EXOC4: variants seen among roughly 807,000 people sequenced by gnomAD.
EXOC4 encodes exocyst complex component 4.
A neutral mutation model predicts 107.2 loss-of-function variants in EXOC4; 71 were observed. That is an observed-to-expected ratio of 0.66 (90% CI 0.55 to 0.81). The LOEUF (loss-of-function observed/expected upper bound fraction) is 0.81. EXOC4 is among the 30% of genes least tolerant of loss of function. The pLI is 0.00. For synonymous variants in EXOC4, 456 were observed against 441.2 expected, an observed-to-expected ratio of 1.03 and a Z score of -0.42; for missense variants, 1,108 against 1,189.6, an observed-to-expected ratio of 0.93 and a Z score of 1.01.
At chr7:133,417,391 G>T (rs1439770022) in intron 7 of EXOC4, among the ~76,000 whole-genome samples, 1 of 152,148 alleles carries the variant, frequency 6.6e-6, no homozygotes, top group Non-Finnish European at 1.5e-5. Flanking sequence ...GAAGATGGAA[G>T]GTCTGACTGC....
chr7:133,577,970 T>C (rs1412012110), intron 9 of EXOC4, among the ~76,000 whole-genome samples: 1 of 152,196 alleles, frequency 6.6e-6, no homozygotes, highest in Non-Finnish European at 1.5e-5. Context: ...GTGTTCATTA[T>C]CACAGACAAA....
intron 10 of EXOC4, among the ~76,000 whole-genome samples, chr7:133,794,949 C>G (rs1395670033): frequency 6.6e-6 from 1 of 151,952 alleles, no homozygotes; most frequent in Non-Finnish European, 1.5e-5. Flanking sequence ...CCCTTCCCCC[C>G]ACCCCACAAC....
intron 11 of EXOC4, among the ~76,000 whole-genome samples, chr7:133,852,708 TA>T (rs935675473): frequency 6.6e-6 from 1 of 152,182 alleles, no homozygotes. Context: ...CCCCCGCTTT[TA>T]AAAAAATAAG....
At chr7:133,501,073 G>A (rs1410485651) in intron 9 of EXOC4, among the ~76,000 whole-genome samples, 1 of 152,090 alleles carries the variant, frequency 6.6e-6, no homozygotes, top group East Asian at 1.9e-4. Context: ...ATGTTCGTGT[G>A]TGTATGGCAT....
At chr7:133,309,107 C>A (rs376417514) in intron 4 of EXOC4, among the ~76,000 whole-genome samples, 2 of 152,166 alleles carry the variant, frequency 1.3e-5, no homozygotes, top group African/African-American at 4.8e-5. Flanking sequence ...ACAAGGTGAC[C>A]TTGAGGATAG....
At chr7:133,730,336 G>A (rs1018608025) in intron 10 of EXOC4, among the ~76,000 whole-genome samples, 1 of 151,660 alleles carries the variant, frequency 6.6e-6, no homozygotes, top group Non-Finnish European at 1.5e-5. Flanking sequence ...TTATAGGGGA[G>A]ATCTTAGAGG....
chr7:133,439,633 C>G (rs1454777978), intron 7 of EXOC4, among the ~76,000 whole-genome samples: 1 of 152,238 alleles, frequency 6.6e-6, no homozygotes, highest in East Asian at 1.9e-4. Flanking sequence ...GATAATGATA[C>G]CACACAAAGC....
At chr7:134,086,709 G>A in the EXOC4 span, among the ~76,000 whole-genome samples, 1 of 152,066 alleles carries the variant, frequency 6.6e-6, no homozygotes, top group African/African-American at 2.4e-5. Flanking sequence ...AAAAAATTCA[G>A]GGTGAGTCCA....
At chr7:133,776,879 A>G (rs1796355735) in intron 10 of EXOC4, among the ~76,000 whole-genome samples, 1 of 152,114 alleles carries the variant, frequency 6.6e-6, no homozygotes, top group African/African-American at 2.4e-5. Context: ...TAATTGCTTG[A>G]TATCTAAGAA....
intron 11 of EXOC4, among the ~76,000 whole-genome samples, chr7:133,825,862 C>T (rs1367733699): frequency 6.6e-6 from 1 of 152,084 alleles, no homozygotes; most frequent in East Asian, 1.9e-4. Context: ...CCCCTGTAAG[C>T]TCTGAGAGAT....
chr7:133,624,374 A>G (rs564956951), intron 9 of EXOC4, among the ~76,000 whole-genome samples: 1 of 152,240 alleles, frequency 6.6e-6, no homozygotes, highest in East Asian at 1.9e-4. Context: ...TGCTTGATTT[A>G]GGAGTTCAAG....
chr7:133,386,964 T>G (rs1796741485), intron 7 of EXOC4, among the ~76,000 whole-genome samples: 1 of 152,204 alleles, frequency 6.6e-6, no homozygotes, highest in South Asian at 2.1e-4. Flanking sequence ...TTTAAATGTA[T>G]GTATAATCTG....
rs192287907 is a variant in EXOC4 at position 133,276,691 on chromosome 7, G to T, written c.276+1520G>T. Among the ~76,000 whole-genome samples the T allele has an allele frequency of 5.9e-5, 9 of 152,256 alleles. No homozygotes were observed. The East Asian group carries it at 1.7e-3, about 29-fold the overall frequency. ...GGGACTGAGTGATGCATAGACTATG[G>T]TTTAAAATTCACTGCCCTGTGCTAT... is the stretch of plus-strand genomic sequence containing the variant. On this transcript the variant is annotated intron_variant, in intron 2 of 17. Coordinates refer to ENST00000253861, the MANE Select transcript of EXOC4 (RefSeq NM_021807.4).
chr7:133,910,951 G>A (rs751433446), intron 12 of EXOC4, among the ~76,000 whole-genome samples: 6 of 152,106 alleles, frequency 3.9e-5, no homozygotes, highest in African/African-American at 7.2e-5. Flanking sequence ...ATGCACACTC[G>A]CACTTCCCAA....
chr7:133,671,385 G>A (rs1219418790), intron 10 of EXOC4, among the ~76,000 whole-genome samples: 4 of 152,040 alleles, frequency 2.6e-5, no homozygotes, highest in African/African-American at 9.7e-5. Flanking sequence ...CCAACATGGC[G>A]AAACCCCATC....
intron 10 of EXOC4, among the ~76,000 whole-genome samples, chr7:133,796,741 A>G (rs1442467912): frequency 6.6e-6 from 1 of 152,172 alleles, no homozygotes; most frequent in East Asian, 1.9e-4. Flanking sequence ...CTAGTGACAG[A>G]GCAAGACTCC....
intron 10 of EXOC4, among the ~76,000 whole-genome samples, chr7:133,728,880 C>G (rs752590704): frequency 2.0e-5 from 3 of 152,156 alleles, no homozygotes; most frequent in Non-Finnish European, 2.9e-5. Context: ...TTGAGGAAAC[C>G]CATTCCATCT....
At chr7:133,474,191 G>A (rs1380002960) in intron 7 of EXOC4, among the ~76,000 whole-genome samples, 4 of 152,088 alleles carry the variant, frequency 2.6e-5, no homozygotes, top group African/African-American at 9.7e-5. Flanking sequence ...CTCTCTGGTA[G>A]CATGTTTTAA....
intron 9 of EXOC4, among the ~76,000 whole-genome samples, chr7:133,498,145 G>C (rs951231289): frequency 9.2e-5 from 14 of 151,928 alleles, no homozygotes; most frequent in Non-Finnish European, 2.1e-4. Context: ...CTTTTCTTTC[G>C]GTGCACCTGA....
Sources: gnomAD v4.1 joint callset for allele counts (sites outside exome capture counted in the v4.1 genomes callset) on GRCh38, gnomAD v4.1.1 for gene constraint, MANE v1.5 for transcripts, NCBI Gene and HGNC (gene_info 2026-07-23, HGNC 2026-07-21) for gene names.